The following TMEM163 variants were observed in gnomAD, a reference collection of about 807,000 sequenced individuals.
TMEM163 encodes the protein transmembrane protein 163.
A neutral mutation model predicts 29.3 loss-of-function variants in TMEM163; 17 were observed. That is an observed-to-expected ratio of 0.58 (90% CI 0.40 to 0.87). The LOEUF is 0.87. Among genes scored for constraint, TMEM163 ranks in the 40% least tolerant of loss-of-function variants. TMEM163 has a pLI of 0.00. For synonymous variants in TMEM163, 157 were observed against 160.6 expected, an observed-to-expected ratio of 0.98 and a Z score of 0.17; for missense variants, 303 against 381.5, an observed-to-expected ratio of 0.79 and a Z score of 1.71.
At chr2:134,645,860 T>C (rs1042079809) in intron 2 of TMEM163, among the ~76,000 whole-genome samples, 11 of 152,220 alleles carry the variant, frequency 7.2e-5, no homozygotes, top group Non-Finnish European at 5.9e-5. Context: ...AATTGTGCTG[T>C]ATTCTGATTA....
At chr2:134,516,796 T>C (rs1306157345) in intron 4 of TMEM163, among the ~76,000 whole-genome samples, 4 of 149,478 alleles carry the variant, frequency 2.7e-5, no homozygotes, top group South Asian at 2.1e-4. Flanking sequence ...TATATGCATG[T>C]ATGTATGAAA....
intron 2 of TMEM163, among the ~76,000 whole-genome samples, chr2:134,660,508 C>T (rs571146466): frequency 1.3e-5 from 2 of 152,322 alleles, no homozygotes; most frequent in African/African-American, 4.8e-5. Flanking sequence ...GCTCAGAGAT[C>T]ACTTTGAAAG....
At chr2:134,550,769 C>G (rs889102715) in intron 3 of TMEM163, 108 bp from the exon 4 acceptor site, 2 of 1,075,830 alleles carry the variant, frequency 1.9e-6, no homozygotes, top group African/African-American at 1.5e-5. Context: ...TGAGTAAACT[C>G]TGAGCAAAGA....
chr2:134,698,480 A>C (rs914679622), intron 2 of TMEM163, among the ~76,000 whole-genome samples: 3 of 152,158 alleles, frequency 2.0e-5, no homozygotes, highest in African/African-American at 7.2e-5. Flanking sequence ...CAATCTTACC[A>C]GAGTTAAGCC....
At chr2:134,568,185 C>T (rs1681338288) in intron 2 of TMEM163, among the ~76,000 whole-genome samples, 1 of 152,148 alleles carries the variant, frequency 6.6e-6, no homozygotes, top group South Asian at 2.1e-4. Context: ...CACCAGCTTT[C>T]ATTAACTTTG....
At chr2:134,695,766 G>A (rs1199728247) in intron 2 of TMEM163, among the ~76,000 whole-genome samples, 2 of 152,050 alleles carry the variant, frequency 1.3e-5, no homozygotes, top group Non-Finnish European at 2.9e-5. Flanking sequence ...TCATATTATT[G>A]TTTAAAAGTT....
At chr2:134,709,601 G>A (rs1410413384) in intron 2 of TMEM163, among the ~76,000 whole-genome samples, 2 of 152,196 alleles carry the variant, frequency 1.3e-5, no homozygotes, top group Non-Finnish European at 2.9e-5. Context: ...TATAGGAGAT[G>A]AAGGGTAACA....
chr2:134,589,426 C>A (rs1343399156), intron 2 of TMEM163, among the ~76,000 whole-genome samples: 1 of 152,166 alleles, frequency 6.6e-6, no homozygotes, highest in Non-Finnish European at 1.5e-5. Flanking sequence ...AGAAGCCAGC[C>A]AGAACCTACC....
chr2:134,613,063 A>G (rs1311922090), intron 2 of TMEM163, among the ~76,000 whole-genome samples: 1 of 152,208 alleles, frequency 6.6e-6, no homozygotes, highest in East Asian at 1.9e-4. Context: ...CAGTAAAGAG[A>G]CATAAATTAT....
intron 2 of TMEM163, among the ~76,000 whole-genome samples, chr2:134,632,906 C>A (rs985075286): frequency 1.4e-5 from 2 of 143,996 alleles, no homozygotes; most frequent in Non-Finnish European, 3.0e-5. Context: ...CCACACCCAG[C>A]TAATTTTTTT....
chr2:134,607,777 CCG>C, intron 2 of TMEM163, among the ~76,000 whole-genome samples: 1 of 53,588 alleles, frequency 1.9e-5, no homozygotes, highest in African/African-American at 7.7e-5. Context: ...AGGACAGACC[CCG>C]AGAACTGTAC....
chr2:134,552,118 A>G, intron 2 of TMEM163, 27 bp from the exon 3 acceptor site: 2 of 1,583,438 alleles, frequency 1.3e-6, no homozygotes. Flanking sequence ...TATTATTCAG[A>G]ATATTTTAAA....
At chr2:134,588,133 G>A (rs1258067818) in intron 2 of TMEM163, among the ~76,000 whole-genome samples, 1 of 152,214 alleles carries the variant, frequency 6.6e-6, no homozygotes, top group Non-Finnish European at 1.5e-5. Flanking sequence ...CCACGTGAAT[G>A]TGGGAACTAT....
At chr2:134,665,988 AATG>A (rs1281906518) in intron 2 of TMEM163, among the ~76,000 whole-genome samples, 1 of 152,216 alleles carries the variant, frequency 6.6e-6, no homozygotes, top group African/African-American at 2.4e-5. Context: ...CCTCTTTCTT[AATG>A]ATGTGTGTTT....
chr2:134,580,393 G>A (rs1256435569), intron 2 of TMEM163, among the ~76,000 whole-genome samples: 1 of 152,188 alleles, frequency 6.6e-6, no homozygotes, highest in Non-Finnish European at 1.5e-5. Context: ...GCCCAATTAA[G>A]CAGGCTGATG....
At chr2:134,711,578 C>G (rs1316512941) in intron 2 of TMEM163, among the ~76,000 whole-genome samples, 1 of 152,116 alleles carries the variant, frequency 6.6e-6, no homozygotes, top group African/African-American at 2.4e-5. Context: ...GCCCTTTTCA[C>G]AAAGCAACAT....
At chr2:134,558,000 T>C (rs535991329) in intron 2 of TMEM163, among the ~76,000 whole-genome samples, 2 of 152,206 alleles carry the variant, frequency 1.3e-5, no homozygotes, top group African/African-American at 4.8e-5. Flanking sequence ...AAGAAATCTA[T>C]GTGGGGAAAA....
intron 3 of TMEM163, 112 bp from the exon 4 acceptor site, chr2:134,550,773 G>A (rs1680900304): frequency 2.0e-6 from 2 of 1,012,046 alleles, no homozygotes; most frequent in Non-Finnish European, 3.0e-6. Flanking sequence ...TAAACTCTGA[G>A]CAAAGAGGTC....
In TMEM163 at chr2:134,575,753, C is replaced by T. The variant is rs1043615749; in HGVS notation, c.323-23662G>A. ...TGGAGAGAGAACACAAAAGACTGCA[C>T]AGATGAACCTAGTTTGATTTAAGTT... On this transcript the variant is annotated intron_variant, in intron 2 of 7. Transcript: ENST00000281924. 3.9e-5 allele frequency among the ~76,000 whole-genome samples: 6 copies of T among 152,264 alleles called. No homozygotes were observed. In the East Asian group the frequency reaches 5.8e-4, roughly 15 times the overall value.
Sources: allele counts gnomAD v4.1 joint callset (sites outside exome capture counted in the v4.1 genomes callset), GRCh38; gene constraint gnomAD v4.1.1; transcripts MANE v1.5; gene names NCBI Gene and HGNC (gene_info 2026-07-23, HGNC 2026-07-21).